AGBL1: variants seen among roughly 807,000 people sequenced by gnomAD.
The protein encoded by AGBL1 is AGBL carboxypeptidase 1.
In AGBL1, 130 loss-of-function variants were observed where a neutral mutation model predicts 118.9. That is an observed-to-expected ratio of 1.09 (90% CI 0.95 to 1.26). The LOEUF (loss-of-function observed/expected upper bound fraction) is 1.26. AGBL1 is among the 50% of genes most tolerant of loss of function. AGBL1 has a pLI of 0.00. For synonymous variants in AGBL1, 555 were observed against 478.9 expected, an observed-to-expected ratio of 1.16 and a Z score of -2.08; for missense variants, 1,584 against 1,298.1, an observed-to-expected ratio of 1.22 and a Z score of -3.38.
At position 86,812,179 on chromosome 15, in the gene AGBL1, A is replaced by T. The variant is rs1190838050; in HGVS notation, c.3159-94908A>T. ...CTTTTTATTTTTCATATTTTCCTGT[A>T]TACACTTTACTTAGTTTCAAAAAGA... On this transcript the variant is annotated intron_variant, in intron 22 of 22. Coordinates refer to ENST00000614907, the MANE Select transcript of AGBL1 (RefSeq NM_001386094.1). 2.0e-5 allele frequency among the ~76,000 whole-genome samples: 3 copies of T among 152,136 alleles called. No individual in the cohort carries two copies. The East Asian group carries it at 5.8e-4, about 29-fold the overall frequency.
intron 21 of AGBL1, among the ~76,000 whole-genome samples, chr15:86,605,468 G>C (rs957812726): frequency 6.6e-6 from 1 of 152,150 alleles, no homozygotes; most frequent in Admixed American, 6.5e-5. Context: ...ATACAATGCA[G>C]GCAGTAAGCA....
rs78773036 is a variant in AGBL1 at position 86,689,876 on chromosome 15, C to G, written c.3158+15440C>G. On this transcript the variant is annotated intron_variant, in intron 22 of 22. Coordinates refer to ENST00000614907, the MANE Select transcript of AGBL1 (RefSeq NM_001386094.1). ...TGCTCAAAGTGTTCCTAGCCAAGAGCATGCCACCTTGGAAGAGTACACGGT... is the reference window on the plus strand; with the variant it reads ...TGCTCAAAGTGTTCCTAGCCAAGAGGATGCCACCTTGGAAGAGTACACGGT... Among the ~76,000 whole-genome samples, 131 of 152,250 alleles carry G rather than the reference C, an allele frequency of 8.6e-4. 2 individuals are homozygous for G. The East Asian group carries it at 0.023, about 27-fold the overall frequency.
At chr15:87,011,323 A>C (rs2081557832) in intron 24 of AGBL1, among the ~76,000 whole-genome samples, 1 of 152,216 alleles carries the variant, frequency 6.6e-6, no homozygotes, top group South Asian at 2.1e-4. Flanking sequence ...TAGGGAGTGA[A>C]TAGAAAAGAA....
intron 18 of AGBL1, among the ~76,000 whole-genome samples, chr15:86,492,395 G>T (rs533109322): frequency 1.3e-5 from 2 of 152,080 alleles, no homozygotes; most frequent in South Asian, 2.1e-4. Context: ...TTCAAGACCA[G>T]TGTGGCCAAC....
chr15:86,201,351 C>A (rs536937803), intron 5 of AGBL1, among the ~76,000 whole-genome samples: 1 of 152,096 alleles, frequency 6.6e-6, no homozygotes, highest in Admixed American at 6.5e-5. Context: ...GGAAGGCAAC[C>A]TTGGGTAGGA....
chr15:86,886,175 A>G (rs975014606), intron 22 of AGBL1, among the ~76,000 whole-genome samples: 3 of 152,250 alleles, frequency 2.0e-5, no homozygotes, highest in African/African-American at 7.2e-5. Flanking sequence ...AAGAAGCAAA[A>G]TAAAACACAA....
In AGBL1 at chr15:86,827,449, G is replaced by A. The variant is rs1229201857; in HGVS notation, c.3159-79638G>A. Among the ~76,000 whole-genome samples, 38 of 4,272 alleles carry A rather than the reference G, an allele frequency of 8.9e-3. 4 individuals are homozygous for A. The highest frequency in any genetic ancestry group is 0.033 in the East Asian group (2 of 60). The allele number at this position is 4,272 out of a possible 152,430, so 2.8% of individuals were successfully genotyped here. On this transcript the variant is annotated intron_variant, in intron 22 of 22. Transcript: ENST00000614907. ...TATATACACATATATATATGTGTGT[G>A]TATATATATATATATATATACATAT...
At chr15:86,578,990 A>T (rs955132073) in intron 21 of AGBL1, among the ~76,000 whole-genome samples, 3 of 152,190 alleles carry the variant, frequency 2.0e-5, no homozygotes, top group Non-Finnish European at 4.4e-5. Context: ...TTTCACCATC[A>T]TCATAATCCT....
chr15:87,026,381 C>A (rs529299270), intron 24 of AGBL1, among the ~76,000 whole-genome samples: 75 of 151,854 alleles, frequency 4.9e-4, no homozygotes, highest in African/African-American at 1.7e-3. Flanking sequence ...AAATGGCCAA[C>A]AAATATGAAA....
rs370512046 is a variant in AGBL1 at position 86,542,451 on chromosome 15, C to T, written c.2686-3551C>T. Among the ~76,000 whole-genome samples the T allele has an allele frequency of 9.3e-4, 140 of 151,290 alleles. 1 individual carries two copies. In the South Asian group the frequency reaches 0.027, roughly 30 times the overall value. On this transcript the variant is annotated intron_variant, in intron 19 of 22. Coordinates refer to ENST00000614907, the MANE Select transcript of AGBL1 (RefSeq NM_001386094.1). ...GCACGATCTCGGCTCACTGCAACCT[C>T]CACCTCCCAGGTTCAAGCAATTCTC...
At chr15:86,458,335 T>C (rs2082286398) in intron 18 of AGBL1, among the ~76,000 whole-genome samples, 1 of 152,188 alleles carries the variant, frequency 6.6e-6, no homozygotes. Context: ...GTAGTCTATA[T>C]GATGATGTAT....
At chr15:86,335,305 A>T (rs1366459888) in intron 17 of AGBL1, among the ~76,000 whole-genome samples, 1 of 151,864 alleles carries the variant, frequency 6.6e-6, no homozygotes, top group African/African-American at 2.4e-5. Flanking sequence ...CGCCCAGCTA[A>T]TTTTTTGTAT....
At chr15:86,725,217 G>C (rs529635406) in intron 22 of AGBL1, among the ~76,000 whole-genome samples, 1 of 152,260 alleles carries the variant, frequency 6.6e-6, no homozygotes, top group South Asian at 2.1e-4. Flanking sequence ...AAAATACATT[G>C]TTTCATTCAA....
At chr15:86,436,575 A>T (rs2142046940) in intron 18 of AGBL1, among the ~76,000 whole-genome samples, 1 of 152,292 alleles carries the variant, frequency 6.6e-6, no homozygotes, top group Non-Finnish European at 1.5e-5. Flanking sequence ...GGTGACAAGC[A>T]CTGTGCTAAG....
At position 87,006,930 on chromosome 15, in the gene AGBL1, G is replaced by A. The variant is rs112981315; in HGVS notation, c.3323+18842G>A. Among the ~76,000 whole-genome samples, 85 of 152,216 alleles carry A rather than the reference G, an allele frequency of 5.6e-4. 1 individual carries two copies. Among genetic ancestry groups the A allele is most frequent in the African/African-American group, 1.9e-3 (79 of 41,518 alleles). On this transcript the variant is annotated intron_variant, in intron 24 of 24. Coordinates refer to the AGBL1 transcript ENST00000441037. The stretch of plus-strand genomic sequence containing the variant: ...TTCATGGGTGAGGAGTGAGACAGGG[G>A]GTTGAGCTTTAAGTAGGATGGGTTT...
At chr15:86,410,657 A>G (rs749069406) in intron 18 of AGBL1, among the ~76,000 whole-genome samples, 4 of 150,608 alleles carry the variant, frequency 2.7e-5, no homozygotes, top group Non-Finnish European at 4.4e-5. Context: ...GTGGTAGGGC[A>G]TCTATGTTCT....
chr15:86,369,169 T>A (rs1457002355), intron 17 of AGBL1, among the ~76,000 whole-genome samples: 2 of 152,128 alleles, frequency 1.3e-5, no homozygotes, highest in Non-Finnish European at 2.9e-5. Flanking sequence ...ATATGAGGAA[T>A]GATGATGAAT....
chr15:86,818,128 T>C (rs895625698), intron 22 of AGBL1, among the ~76,000 whole-genome samples: 1 of 151,558 alleles, frequency 6.6e-6, no homozygotes, highest in Admixed American at 6.6e-5. Context: ...CACACACACA[T>C]GCGCGTGAGA....
intron 22 of AGBL1, among the ~76,000 whole-genome samples, chr15:86,754,407 G>A (rs1391005842): frequency 6.6e-6 from 1 of 152,080 alleles, no homozygotes; most frequent in Non-Finnish European, 1.5e-5. Flanking sequence ...TTGATTAATG[G>A]TTCTGTCACC....
Sources: gnomAD v4.1 joint callset for allele counts (sites outside exome capture counted in the v4.1 genomes callset) on GRCh38, gnomAD v4.1.1 for gene constraint, MANE v1.5 for transcripts, NCBI Gene and HGNC (gene_info 2026-07-23, HGNC 2026-07-21) for gene names.